Variants in LRP1 observed in about 807,000 individuals in gnomAD.
LRP1 encodes the protein LDL receptor related protein 1.
A neutral mutation model predicts 541.5 loss-of-function variants in LRP1; 51 were observed. The ratio of observed to expected loss-of-function variants is 0.09; its 90% CI spans 0.08 to 0.12. The LOEUF (loss-of-function observed/expected upper bound fraction) is 0.12. Ranked by LOEUF, LRP1 falls within the 10% of genes least tolerant of loss-of-function variation. The pLI is 1.00. For missense variants in LRP1, 3,878 were observed against 6,376.2 expected (o/e 0.61, Z 13.34); for synonymous variants, 2,219 against 2,470.8 (o/e 0.90, Z 3.02).
Position 57,206,720 on chromosome 12 carries a change from C to T in LRP1, c.11838C>T (p.Asp3946=), listed in dbSNP as rs1265091527. 1.2e-6 allele frequency: 2 copies of T among 1,612,754 alleles called. No individual in the cohort carries two copies. The highest frequency in any genetic ancestry group is 1.7e-6 in the Non-Finnish European group (2 of 1,180,016). ...CCAACCGCCACCGGCGACAGATTGACCGGGGTGTCACCCACCTCAACGTGA... is the reference window on the plus strand; with the variant it reads ...CCAACCGCCACCGGCGACAGATTGATCGGGGTGTCACCCACCTCAACGTGA... ...TTSNRHRRQI[D]RGVTHLNISG... Residue 3946 remains aspartate, a synonymous_variant, in exon 76 of 89, where the codon GAC becomes GAT. Coordinates refer to ENST00000243077, the MANE Select transcript of LRP1 (RefSeq NM_002332.3). The surrounding 1 kb of genome is among the most constrained non-coding windows in gnomAD (Gnocchi z 4.7).
rs752089500 is a variant in LRP1 at position 57,194,437 on chromosome 12, G to A, written c.8002G>A (p.Ala2668Thr). Residue 2668 changes from alanine (A) to threonine (T), a missense_variant, in exon 49 of 89, where the codon GCA (alanine) becomes ACA (threonine). This residue lies in a region of LRP1 where 1,100 missense variants were observed against 1,827.4 expected (regional missense o/e 0.60). Coordinates refer to ENST00000243077, the MANE Select transcript of LRP1 (RefSeq NM_002332.3). The stretch of plus-strand genomic sequence containing the variant: ...CTGCGAGCGGACCTCACTCTGCTAC[G>A]CACCCAGCTGGGTGTGTGATGGCGC... The part of the protein sequence containing the change: ...QPCERTSLCY[A>T]PSWVCDGAND... 7 of 1,548,664 alleles carry A rather than the reference G, an allele frequency of 4.5e-6. No homozygotes were observed. Among genetic ancestry groups the A allele is most frequent in the Admixed American group, 2.0e-5 (1 of 50,360 alleles).
At chr12:57,172,186 T>C (rs995440961) in intron 20 of LRP1, among the ~76,000 whole-genome samples, 1 of 151,730 alleles carries the variant, frequency 6.6e-6, no homozygotes, top group African/African-American at 2.4e-5. Flanking sequence ...CTTTCTTTTT[T>C]TTTTGAGATG....
intron 53 of LRP1, 39 bp from the exon 54 acceptor site, chr12:57,195,824 G>A (rs1168326644): frequency 6.2e-7 from 1 of 1,614,024 alleles, no homozygotes; most frequent in Non-Finnish European, 8.5e-7. Context: ...CCCTCTGCCG[G>A]GCCAGGGCAT....
chr12:57,173,787 C>T lies in LRP1; in HGVS notation c.3354C>T (p.Cys1118=), dbSNP rs148936583. ...VKFGCKDSAR[C]ISKAWVCDGD... ...AGTGCACCTGTCCCTCAGCTCGGTG[C>T]ATCAGCAAAGCGTGGGTGTGTGATG... The change falls in exon 22 of 89, where the codon TGC becomes TGT. Residue 1118 remains cysteine, a synonymous_variant. Coordinates refer to ENST00000243077, the MANE Select transcript of LRP1 (RefSeq NM_002332.3). The surrounding 1 kb of genome is among the most constrained non-coding windows in gnomAD (Gnocchi z 4.7). 388 of 1,614,220 alleles carry T rather than the reference C, an allele frequency of 2.4e-4. 5 individuals carry two copies. The East Asian group carries it at 5.5e-3, about 23-fold the overall frequency.
rs2035342540 is a variant in LRP1, at chr12:57,143,705, G to A, written c.355G>A (p.Gly119Ser). The A allele has an allele frequency of 6.2e-7, 1 of 1,613,950 alleles. No homozygotes were observed. The highest frequency in any genetic ancestry group is 1.3e-5 in the African/African-American group (1 of 74,942). The change falls in exon 4 of 89, where the codon GGC becomes AGC. Residue 119 changes from glycine to serine, a missense_variant. This residue lies in a region of LRP1 where 293 missense variants were observed against 403.7 expected (regional missense o/e 0.73). Coordinates refer to ENST00000243077, the MANE Select transcript of LRP1 (RefSeq NM_002332.3). Reference sequence around the variant, plus strand: ...GCTCCAAGGCAACTGCTCTCGCCTGGGCTGCCAGCACCATTGTGTCCCCAC... The same window carrying A: ...GCTCCAAGGCAACTGCTCTCGCCTGAGCTGCCAGCACCATTGTGTCCCCAC... ...RELQGNCSRL[G>S]CQHHCVPTLD...
In LRP1 at chr12:57,195,284, C is replaced by T. The variant is rs1800142; in HGVS notation, c.8322C>T (p.Cys2774=). The T allele has an allele frequency of 6.8e-3, 10,957 of 1,613,896 alleles. 49 individuals are homozygous for T. The highest frequency in any genetic ancestry group is 8.6e-3 in the Non-Finnish European group (10,117 of 1,179,982). ...DEAAHCEGKT[C]GPSSFSCPGT... is the part of the protein sequence containing the mutation. Reference sequence around the variant, plus strand: ...CTCCCCCTACAGAAGGCAAGACGTGCGGCCCCTCCTCCTTCTCCTGCCCTG... The same window carrying T: ...CTCCCCCTACAGAAGGCAAGACGTGTGGCCCCTCCTCCTTCTCCTGCCCTG... The change falls in exon 52 of 89, where the codon TGC becomes TGT. Residue 2774 remains cysteine (C), a synonymous_variant. Transcript: ENST00000243077.
chr12:57,138,320 C>T, intron 1 of LRP1, 139 bp from the exon 2 acceptor site: 2 of 1,031,908 alleles, frequency 1.9e-6, no homozygotes, highest in Non-Finnish European at 2.9e-6. Context: ...CTGACACCCC[C>T]AGGCACATAG....
chr12:57,161,403 C>T lies in LRP1; in HGVS notation c.2202+288C>T, dbSNP rs564335309. Among the ~76,000 whole-genome samples, 3 of 152,310 alleles carry T rather than the reference C, an allele frequency of 2.0e-5. No homozygotes were observed. In the South Asian group the frequency reaches 6.2e-4, roughly 32 times the overall value. Reference sequence around the variant, plus strand: ...GTCCATGTGCCAGTCTCTGCATACACACCATGTGCGCCTCCTCATGTGTGT... The same window carrying T: ...GTCCATGTGCCAGTCTCTGCATACATACCATGTGCGCCTCCTCATGTGTGT... On this transcript the variant is annotated intron_variant, in intron 13 of 88. Transcript: ENST00000243077.
In LRP1 at chr12:57,211,764, T is replaced by C; in HGVS notation, c.13208T>C (p.Met4403Thr). Residue 4403 changes from methionine to threonine, a missense_variant, in exon 86 of 89, where the codon ATG becomes ACG. Met to Thr is a moderately conservative substitution (Grantham distance 81, BLOSUM62 -1). Coordinates refer to ENST00000243077, the MANE Select transcript of LRP1 (RefSeq NM_002332.3). This position sits in a 1 kb window ranked among gnomAD's most constrained non-coding sequence, Gnocchi z 4.3. ...MMPECQCPPH[M>T]TGPRCEEHVF... Reference sequence around the variant, plus strand: ...CCTTTCTGCAGGTGCCCACCCCACATGACAGGGCCCCGGTGTGAGGAGCAC... The same window carrying C: ...CCTTTCTGCAGGTGCCCACCCCACACGACAGGGCCCCGGTGTGAGGAGCAC... 30 of 1,613,188 alleles carry C rather than the reference T, an allele frequency of 1.9e-5. No homozygotes were observed. Among genetic ancestry groups the C allele is most frequent in the Non-Finnish European group, 2.4e-5 (28 of 1,179,924 alleles).
rs779762081 is a variant in LRP1 at position 57,198,612 on chromosome 12, C to T, written c.9618C>T (p.Ala3206=). The part of the protein sequence containing the change: ...LDYVTERIYW[A]DAREDYIEFA... ...ATGTCACTGAGCGCATCTACTGGGC[C>T]GACGCCCGCGAGGACTACATTGAAT... The change falls in exon 60 of 89, where the codon GCC becomes GCT. Residue 3206 remains alanine (A), a synonymous_variant. Transcript: ENST00000243077. 3.5e-5 allele frequency: 57 copies of T among 1,613,442 alleles called. No individual in the cohort carries two copies. In the Admixed American group the frequency reaches 5.2e-4, roughly 15 times the overall value.
rs1389141257 is a variant in LRP1, at chr12:57,206,832, C to A, written c.11859+91C>A. ...TTTGAAAAGGGCAGTGCTGGCTAGG[C>A]GCAGTGGCTCACGCCTATAATCCCA... On this transcript the variant is annotated intron_variant, in intron 76 of 88. Transcript: ENST00000243077. The surrounding 1 kb of genome is among the most constrained non-coding windows in gnomAD (Gnocchi z 4.7). 3.5e-6 allele frequency: 5 copies of A among 1,431,774 alleles called. No homozygotes were observed. Among genetic ancestry groups the A allele is most frequent in the East Asian group, 4.7e-5 (2 of 42,602 alleles). 88.7% of individuals were successfully genotyped at this position (1,431,774 alleles called of 1,614,324 possible).
At position 57,165,583 on chromosome 12, in the gene LRP1, GA is replaced by G. The variant is rs2136686657; in HGVS notation, c.2531-220del. ...CACCATTTGATTCTCAGGTCACACT[GA>G]AGTACAGTAAGCATTAAGTAGAGTA... On this transcript the variant is annotated intron_variant, in intron 15 of 88. Coordinates refer to ENST00000243077, the MANE Select transcript of LRP1 (RefSeq NM_002332.3). The surrounding 1 kb of genome is among the most constrained non-coding windows in gnomAD (Gnocchi z 4.5). 1 of 541,230 alleles carries G rather than the reference GA, an allele frequency of 1.8e-6. No homozygotes were observed. The highest frequency in any genetic ancestry group is 3.2e-5 in the Admixed American group (1 of 31,706). The allele number at this position is 541,230 out of a possible 1,614,324, so 33.5% of individuals were successfully genotyped here. A position where few individuals can be genotyped will look rare whatever the true frequency, so the allele number is the denominator to read the frequency against.
At chr12:57,176,950 G>A in intron 24 of LRP1, 91 bp from the exon 25 acceptor site, 1 of 1,077,994 alleles carries the variant, frequency 9.3e-7, no homozygotes, top group Non-Finnish European at 1.4e-6. Flanking sequence ...TGCCAGGGTT[G>A]AGGGTGGGTC....
At position 57,201,923 on chromosome 12, in the gene LRP1, T is replaced by G; in HGVS notation, c.10594+18T>G. ...AGAGTGTGGTGAGCCGAGACCCCAC[T>G]CCAGGAGGAAGACAGTCTACCTGGG... On this transcript the variant is annotated intron_variant, in intron 67 of 88. Coordinates refer to ENST00000243077, the MANE Select transcript of LRP1 (RefSeq NM_002332.3). The surrounding 1 kb of genome is among the most constrained non-coding windows in gnomAD (Gnocchi z 6.4). 1 of 1,613,436 alleles carries G rather than the reference T, an allele frequency of 6.2e-7. No homozygotes were observed. The highest frequency in any genetic ancestry group is 8.5e-7 in the Non-Finnish European group (1 of 1,179,804).
At position 57,205,132 on chromosome 12, in the gene LRP1, C is replaced by G; in HGVS notation, c.11218C>G (p.His3740Asp). The G allele has an allele frequency of 6.2e-7, 1 of 1,613,910 alleles. No homozygotes were observed. The highest frequency in any genetic ancestry group is 8.5e-7 in the Non-Finnish European group (1 of 1,179,972). ...DCEPPTAHTTHCKDKKEFLCR... is the reference protein window; with the variant it reads ...DCEPPTAHTTDCKDKKEFLCR... ...AGAGCCCCCCACAGCCCACACCACC[C>G]ACTGCAAAGACAAGAAGGAGTTTCT... Residue 3740 changes from histidine to aspartate, a missense_variant, in exon 73 of 89, where the codon CAC (histidine) becomes GAC (aspartate). Physicochemically the swap from His to Asp is moderately conservative, Grantham distance 81. This residue lies in a region of LRP1 where 871 missense variants were observed against 1,212.4 expected (regional missense o/e 0.72). Transcript: ENST00000243077. This position sits in a 1 kb window ranked among gnomAD's most constrained non-coding sequence, Gnocchi z 4.6.
chr12:57,212,275 C>A lies in LRP1; in HGVS notation c.13494+14C>A. On this transcript the variant is annotated intron_variant, in intron 88 of 88. Coordinates refer to ENST00000243077, the MANE Select transcript of LRP1 (RefSeq NM_002332.3). This position sits in a 1 kb window ranked among gnomAD's most constrained non-coding sequence, Gnocchi z 5.0. ...GACCCTGACAAGGTGGGCTGGGAGGCGGGCAGGGTCGAGTGCCAAGAGGCC... is the reference window on the plus strand; with the variant it reads ...GACCCTGACAAGGTGGGCTGGGAGGAGGGCAGGGTCGAGTGCCAAGAGGCC... The A allele has an allele frequency of 1.2e-6, 2 of 1,611,802 alleles. No homozygotes were observed. The highest frequency in any genetic ancestry group is 1.3e-5 in the African/African-American group (1 of 74,966).
At position 57,171,576 on chromosome 12, in the gene LRP1, C is replaced by T. The variant is rs1349383487; in HGVS notation, c.3164-1592C>T. ...GGCTTGATTTGGGAGGCACTGGGAA[C>T]CTTTGAAGGATTTCCAAGCCGGAAG... On this transcript the variant is annotated intron_variant, in intron 20 of 88. Transcript: ENST00000243077. 2.0e-5 allele frequency among the ~76,000 whole-genome samples: 3 copies of T among 152,010 alleles called. No individual in the cohort carries two copies. In the South Asian group the frequency reaches 6.2e-4, roughly 32 times the overall value.
In LRP1 at chr12:57,185,261, G is replaced by A. The variant is rs2036246593; in HGVS notation, c.6463+56G>A. ...AGGTGAGGGGGACTCTGGCCTGGGAGAGTGCTCCCCAGGGAACCCAGTGTG... is the reference window on the plus strand; with the variant it reads ...AGGTGAGGGGGACTCTGGCCTGGGAAAGTGCTCCCCAGGGAACCCAGTGTG... On this transcript the variant is annotated intron_variant, in intron 40 of 88. Transcript: ENST00000243077. The surrounding 1 kb of genome is among the most constrained non-coding windows in gnomAD (Gnocchi z 4.9). 2 of 1,602,946 alleles carry A rather than the reference G, an allele frequency of 1.2e-6. No individual in the cohort carries two copies. Among genetic ancestry groups the A allele is most frequent in the African/African-American group, 1.3e-5 (1 of 74,816 alleles).
chr12:57,193,759 C>T, intron 47 of LRP1, 74 bp downstream of exon 47: 3 of 1,611,706 alleles, frequency 1.9e-6, no homozygotes, highest in Non-Finnish European at 2.5e-6. Flanking sequence ...AAGCTTTGTC[C>T]CTGGGCCCCG....
Sources: gnomAD v4.1 joint callset for allele counts (sites outside exome capture counted in the v4.1 genomes callset) on GRCh38, gnomAD v4.1.1 for gene constraint, gnomAD v4.1.1 regional missense constraint, Gnocchi (gnomAD v3.1) non-coding constraint, MANE v1.5 for transcripts, NCBI Gene and HGNC (gene_info 2026-07-23, HGNC 2026-07-21) for gene names.